Variants in MAP4K3 observed in about 807,000 individuals in gnomAD.
The protein encoded by MAP4K3 is mitogen-activated protein kinase kinase kinase kinase 3, also known as MAPK/ERK kinase kinase kinase 3.
MAP4K3 carries 94 observed loss-of-function variants against 143.5 expected under a neutral mutation model. The ratio of observed to expected loss-of-function variants is 0.65; its 90% confidence interval spans 0.55 to 0.78. The LOEUF (loss-of-function observed/expected upper bound fraction) is 0.78, where lower values mean the gene tolerates loss of function less well. Among genes scored for constraint, MAP4K3 ranks in the 30% least tolerant of loss-of-function variants. The pLI, the probability that MAP4K3 is intolerant of heterozygous loss-of-function variation, is 0.00. For missense variants in MAP4K3, 1,077 were observed against 1,068.1 expected, an observed-to-expected ratio of 1.01 and a Z score of -0.12; for synonymous variants, 416 against 347.2, an observed-to-expected ratio of 1.20 and a Z score of -2.20.
intron 8 of MAP4K3, 43 bp from the exon 9 acceptor site, chr2:39,326,320 T>A: frequency 6.2e-7 from 1 of 1,603,182 alleles, no homozygotes; most frequent in Non-Finnish European, 8.5e-7. Context: ...CTGTTATATG[T>A]TTTCCTTTAT....
At chr2:39,297,344 C>G (rs570865530) in intron 16 of MAP4K3, among the ~76,000 whole-genome samples, 98 of 152,272 alleles carry the variant, frequency 6.4e-4, no homozygotes, top group African/African-American at 2.3e-3. Flanking sequence ...TCTCGATCTC[C>G]TGACCTCAGG....
chr2:39,280,028 G>A (rs1681448566), intron 23 of MAP4K3, among the ~76,000 whole-genome samples: 1 of 152,032 alleles, frequency 6.6e-6, no homozygotes, highest in Non-Finnish European at 1.5e-5. Context: ...AAACTAGGGT[G>A]GCTCAGAATA....
At chr2:39,337,015 A>T (rs1421106584) in intron 5 of MAP4K3, 48 bp from the exon 6 acceptor site, 1 of 955,224 alleles carries the variant, frequency 1.0e-6, no homozygotes, top group African/African-American at 1.7e-5. Flanking sequence ...ATCAAAGAGC[A>T]CTCTTTTGGA....
chr2:39,348,022 T>C (rs1325486701), intron 3 of MAP4K3, among the ~76,000 whole-genome samples: 1 of 152,028 alleles, frequency 6.6e-6, no homozygotes, highest in African/African-American at 2.4e-5. Flanking sequence ...TACCATCACA[T>C]TTGCTGAACT....
At chr2:39,384,504 C>T (rs1013805150) in intron 1 of MAP4K3, among the ~76,000 whole-genome samples, 1 of 152,236 alleles carries the variant, frequency 6.6e-6, no homozygotes, top group African/African-American at 2.4e-5. Flanking sequence ...TGAGATTGCG[C>T]CACTGCGCTC....
intron 1 of MAP4K3, among the ~76,000 whole-genome samples, chr2:39,418,932 C>A (rs1461895697): frequency 6.6e-6 from 1 of 152,086 alleles, no homozygotes; most frequent in East Asian, 1.9e-4. Context: ...CTAGTGAAAT[C>A]CAAATAGACG....
intron 24 of MAP4K3, among the ~76,000 whole-genome samples, chr2:39,276,063 G>A (rs896437843): frequency 6.6e-6 from 1 of 151,986 alleles, no homozygotes; most frequent in African/African-American, 2.4e-5. Flanking sequence ...AATAGGGACG[G>A]GGTTTCACCT....
intron 2 of MAP4K3, among the ~76,000 whole-genome samples, chr2:39,356,618 G>A (rs1031918127): frequency 3.9e-5 from 6 of 151,996 alleles, no homozygotes; most frequent in African/African-American, 1.2e-4. Context: ...TGTGAGTTTG[G>A]GTAAATTATT....
Position 39,303,838 on chromosome 2 carries a change from A to C in MAP4K3, c.1120-4037T>G, listed in dbSNP as rs1328986523. 2.6e-5 allele frequency among the ~76,000 whole-genome samples: 4 copies of C among 152,330 alleles called. No individual in the cohort carries two copies. The East Asian group carries it at 5.8e-4, about 22-fold the overall frequency. On this transcript the variant is annotated intron_variant, in intron 15 of 33. Coordinates refer to ENST00000263881, the MANE Select transcript of MAP4K3 (RefSeq NM_003618.4). Reference sequence around the variant, plus strand: ...AGGCGTGAGCTACCACGCCGGGTCAACATAGTCTTTTATACAGAATTAACT... The same window carrying C: ...AGGCGTGAGCTACCACGCCGGGTCACCATAGTCTTTTATACAGAATTAACT...
intron 1 of MAP4K3, among the ~76,000 whole-genome samples, chr2:39,422,649 T>C (rs4670935): frequency 0.96 from 145,723 of 152,280 alleles, 70,081 homozygotes; most frequent in East Asian, 1. Flanking sequence ...GAAGCAAAGG[T>C]GATCCAATGG....
intron 2 of MAP4K3, among the ~76,000 whole-genome samples, chr2:39,363,950 C>G (rs1274541337): frequency 9.0e-6 from 1 of 111,504 alleles, no homozygotes; most frequent in Non-Finnish European, 1.8e-5. Context: ...AAATGCAAAT[C>G]AAAAACATAA....
At chr2:39,386,395 A>T (rs537377606) in intron 1 of MAP4K3, among the ~76,000 whole-genome samples, 69 of 152,328 alleles carry the variant, frequency 4.5e-4, no homozygotes, top group Admixed American at 2.5e-3. Context: ...ACAGAGCAAA[A>T]GTTTTTATTT....
chr2:39,343,826 A>G (rs551928891), intron 3 of MAP4K3, among the ~76,000 whole-genome samples: 1 of 152,292 alleles, frequency 6.6e-6, no homozygotes, highest in Non-Finnish European at 1.5e-5. Context: ...CACTCTCATC[A>G]ACAAAACAGG....
intron 6 of MAP4K3, among the ~76,000 whole-genome samples, chr2:39,334,646 C>A (rs1034053384): frequency 6.6e-6 from 1 of 152,112 alleles, no homozygotes; most frequent in Admixed American, 6.6e-5. Context: ...TCAGCTCAGA[C>A]TAACTTTCCT....
chr2:39,388,948 C>T (rs1192862493), intron 1 of MAP4K3, among the ~76,000 whole-genome samples: 1 of 152,018 alleles, frequency 6.6e-6, no homozygotes, highest in African/African-American at 2.4e-5. Flanking sequence ...TAAAAGGAAA[C>T]AAACCACCAG....
intron 3 of MAP4K3, among the ~76,000 whole-genome samples, chr2:39,353,940 T>A (rs747563287): frequency 1.3e-5 from 2 of 152,176 alleles, no homozygotes; most frequent in Non-Finnish European, 1.5e-5. Context: ...GGTTAAATAA[T>A]TGATTAATAA....
intron 13 of MAP4K3, 152 bp from the exon 14 acceptor site, chr2:39,309,671 C>T: frequency 1.9e-6 from 1 of 523,682 alleles, no homozygotes; most frequent in Non-Finnish European, 3.3e-6. Context: ...CATTTCCCTG[C>T]CTCAGCCTCC....
chr2:39,394,857 T>C (rs1666762265), intron 1 of MAP4K3, among the ~76,000 whole-genome samples: 3 of 152,144 alleles, frequency 2.0e-5, no homozygotes, highest in African/African-American at 7.2e-5. Flanking sequence ...CAGTGCTATA[T>C]CCTCCTCCCA....
intron 28 of MAP4K3, 147 bp downstream of exon 28, chr2:39,265,056 C>T: frequency 3.2e-6 from 2 of 627,734 alleles, no homozygotes; most frequent in Non-Finnish European, 5.6e-6. Context: ...AAGTTGCTTA[C>T]AACTGGGCAG....
Sources: gnomAD v4.1 joint callset for allele counts (sites outside exome capture counted in the v4.1 genomes callset) on GRCh38, gnomAD v4.1.1 for gene constraint, MANE v1.5 for transcripts, NCBI Gene and HGNC (gene_info 2026-07-23, HGNC 2026-07-21) for gene names.